Variants in EVA1C observed in about 807,000 individuals in gnomAD.
The protein encoded by EVA1C is eva-1 homolog C, also known as protein eva-1 homolog C.
Under a neutral mutation model 45.4 loss-of-function variants are expected in EVA1C, and 25 were observed. That is an observed-to-expected ratio of 0.55 (90% confidence interval 0.40 to 0.77). EVA1C has a LOEUF of 0.77. Among genes scored for constraint, EVA1C ranks in the 30% least tolerant of loss-of-function variants. EVA1C has a pLI of 0.00. For synonymous variants in EVA1C, 190 were observed against 221.2 expected (o/e 0.86, Z 1.25); for missense variants, 479 against 554.8 (o/e 0.86, Z 1.37).
At chr21:32,442,519 A>T (rs1234639299) in intron 1 of EVA1C, among the ~76,000 whole-genome samples, 1 of 151,980 alleles carries the variant, frequency 6.6e-6, no homozygotes, top group Non-Finnish European at 1.5e-5. Flanking sequence ...CTCTAAATGC[A>T]TTCACAAACA....
At chr21:32,441,802 TG>T (rs1188589698) in intron 1 of EVA1C, among the ~76,000 whole-genome samples, 2 of 152,108 alleles carry the variant, frequency 1.3e-5, no homozygotes, top group Non-Finnish European at 2.9e-5. Context: ...GGGAGATAAT[TG>T]GGTGACTATT....
chr21:32,479,902 T>C (rs946871422), intron 4 of EVA1C, among the ~76,000 whole-genome samples: 11 of 152,062 alleles, frequency 7.2e-5, no homozygotes, highest in Non-Finnish European at 1.6e-4. Context: ...GCATATATCC[T>C]TAAAACTAAG....
At chr21:32,493,233 T>A (rs979553880) in intron 4 of EVA1C, among the ~76,000 whole-genome samples, 1 of 152,176 alleles carries the variant, frequency 6.6e-6, no homozygotes, top group African/African-American at 2.4e-5. Context: ...CTCCCCTCAA[T>A]GTACATTCTT....
At chr21:32,497,408 C>T (rs1233900421) in intron 5 of EVA1C, 1 of 344,866 alleles carries the variant, frequency 2.9e-6, no homozygotes, top group Non-Finnish European at 5.4e-6. Flanking sequence ...TTTAGTTATT[C>T]AGAAGACAAG....
chr21:32,464,925 T>C (rs1228631016), intron 3 of EVA1C, among the ~76,000 whole-genome samples: 1 of 152,188 alleles, frequency 6.6e-6, no homozygotes, highest in Non-Finnish European at 1.5e-5. Context: ...TCCAGCCAGG[T>C]GCCATGGCCC....
chr21:32,507,558 G>GTA (rs1305755751), intron 7 of EVA1C, among the ~76,000 whole-genome samples: 44 of 151,788 alleles, frequency 2.9e-4, no homozygotes, highest in African/African-American at 1.0e-3. Context: ...ATGTATGCGT[G>GTA]TTTTTGTGTG....
intron 1 of EVA1C, among the ~76,000 whole-genome samples, chr21:32,429,784 A>T (rs538261415): frequency 6.6e-6 from 1 of 152,256 alleles, no homozygotes; most frequent in Non-Finnish European, 1.5e-5. Flanking sequence ...TTTAGTCACC[A>T]CATTAGAAAA....
chr21:32,431,362 A>G (rs1157832885), intron 1 of EVA1C, among the ~76,000 whole-genome samples: 1 of 152,230 alleles, frequency 6.6e-6, no homozygotes, highest in Non-Finnish European at 1.5e-5. Context: ...ACAAGCAGAC[A>G]TGGGGGGCTC....
At position 32,503,946 on chromosome 21, in the gene EVA1C, G is replaced by A. The variant is rs141188841; in HGVS notation, c.880G>A (p.Gly294Arg). The part of the protein sequence containing the change: ...GEYGINFDPS[G>R]SKVLRKDGIL... Reference sequence around the variant, plus strand: ...AACAGGTATAAACTTCGACCCAAGCGGATCGAAGGTTCTGAGGAAAGATGG... The same window carrying A: ...AACAGGTATAAACTTCGACCCAAGCAGATCGAAGGTTCTGAGGAAAGATGG... The change falls in exon 7 of 8, where the codon GGA (glycine) becomes AGA (arginine). Residue 294 changes from glycine (G) to arginine (R), a missense_variant. Transcript: ENST00000300255. 8.6e-5 allele frequency: 138 copies of A among 1,611,224 alleles called. No homozygotes were observed. Among genetic ancestry groups the A allele is most frequent in the African/African-American group, 4.8e-4 (36 of 74,900 alleles).
intron 4 of EVA1C, among the ~76,000 whole-genome samples, chr21:32,469,063 C>T (rs542518310): frequency 4.6e-5 from 7 of 152,296 alleles, no homozygotes; most frequent in Admixed American, 1.3e-4. Flanking sequence ...TCAGTTGTTC[C>T]GTCATTCCAC....
intron 4 of EVA1C, among the ~76,000 whole-genome samples, chr21:32,479,235 AC>A (rs1162006588): frequency 6.6e-6 from 1 of 152,204 alleles, no homozygotes; most frequent in Non-Finnish European, 1.5e-5. Context: ...AGCTTGGTCA[AC>A]ATGGGGAAAC....
chr21:32,481,785 A>G (rs1038818896), intron 4 of EVA1C, among the ~76,000 whole-genome samples: 2 of 152,220 alleles, frequency 1.3e-5, no homozygotes, highest in Admixed American at 6.5e-5. Flanking sequence ...AAGGGAGAAT[A>G]AAACACCTTT....
chr21:32,480,855 C>T (rs2036754114), intron 4 of EVA1C, among the ~76,000 whole-genome samples: 1 of 151,796 alleles, frequency 6.6e-6, no homozygotes, highest in African/African-American at 2.4e-5. Context: ...CCCAGCTACT[C>T]AGGAGGCTGA....
chr21:32,458,384 G>C (rs2035866363), intron 3 of EVA1C, among the ~76,000 whole-genome samples: 1 of 152,092 alleles, frequency 6.6e-6, no homozygotes, highest in South Asian at 2.1e-4. Flanking sequence ...GCCTGCCTGA[G>C]ATAAATCATA....
intron 1 of EVA1C, among the ~76,000 whole-genome samples, chr21:32,433,742 T>C (rs2146171496): frequency 6.6e-6 from 1 of 152,264 alleles, no homozygotes. Context: ...AAAAGACTTC[T>C]TGGAGTCCTG....
At chr21:32,489,763 C>T (rs780745617) in intron 4 of EVA1C, among the ~76,000 whole-genome samples, 2 of 152,190 alleles carry the variant, frequency 1.3e-5, no homozygotes, top group Non-Finnish European at 2.9e-5. Flanking sequence ...CTGTGTCTTG[C>T]TCAATTTCTT....
intron 7 of EVA1C, among the ~76,000 whole-genome samples, chr21:32,507,715 TGC>T (rs2037789537): frequency 6.6e-6 from 1 of 152,028 alleles, no homozygotes; most frequent in Admixed American, 6.6e-5. Context: ...CACGTGTGTG[TGC>T]ATGTGTGTGC....
At chr21:32,469,857 T>C (rs952284479) in intron 4 of EVA1C, among the ~76,000 whole-genome samples, 1 of 152,224 alleles carries the variant, frequency 6.6e-6, no homozygotes, top group Admixed American at 6.5e-5. Context: ...GTTCATCTGC[T>C]TGACTCAAAG....
rs1216462422 is a variant in EVA1C, at chr21:32,438,499, A to AC, written c.161-14813_161-14812insC. 2.1e-3 allele frequency among the ~76,000 whole-genome samples: 311 copies of AC among 151,132 alleles called. 9 individuals are homozygous for AC. The highest frequency in any genetic ancestry group is 0.019 in the Admixed American group (282 of 15,086). ...GAGACTCTGTCTCAAAAAAAAAAAA[A>AC]AAAAAAAAACCAAAACGACCAAGAA... On this transcript the variant is annotated intron_variant, in intron 1 of 7. Transcript: ENST00000300255.
Sources: allele counts gnomAD v4.1 joint callset (sites outside exome capture counted in the v4.1 genomes callset), GRCh38; gene constraint gnomAD v4.1.1; transcripts MANE v1.5; gene names NCBI Gene and HGNC (gene_info 2026-07-23, HGNC 2026-07-21).